The following PTPRN2 variants were observed in gnomAD, a reference collection of about 807,000 sequenced individuals.
The protein encoded by PTPRN2 is protein tyrosine phosphatase receptor type N2.
Under a neutral mutation model 118.8 loss-of-function variants are expected in PTPRN2, and 74 were observed. That is an observed-to-expected ratio of 0.62 (90% CI 0.52 to 0.76). PTPRN2 has a LOEUF of 0.76. Among genes scored for constraint, PTPRN2 ranks in the 30% least tolerant of loss-of-function variants. PTPRN2 has a pLI of 0.00. For synonymous variants in PTPRN2, 641 were observed against 608.0 expected (o/e 1.05, Z -0.80); for missense variants, 1,481 against 1,394.4 (o/e 1.06, Z -0.99).
intron 9 of PTPRN2, among the ~76,000 whole-genome samples, chr7:158,131,036 A>G (rs1284466129): frequency 8.6e-6 from 1 of 116,334 alleles, no homozygotes; most frequent in African/African-American, 3.8e-5. Flanking sequence ...ACACACTTAT[A>G]CACACACGTA....
At chr7:157,846,266 T>C (rs979273418) in intron 12 of PTPRN2, among the ~76,000 whole-genome samples, 1 of 151,920 alleles carries the variant, frequency 6.6e-6, no homozygotes, top group Non-Finnish European at 1.5e-5. Context: ...GTTTGCATCC[T>C]AGGAAATTAA....
chr7:158,275,223 G>A (rs1342193026), intron 3 of PTPRN2, among the ~76,000 whole-genome samples: 1 of 152,124 alleles, frequency 6.6e-6, no homozygotes, highest in Non-Finnish European at 1.5e-5. Flanking sequence ...GCGCCTCGGG[G>A]CCACAGAGAC....
At chr7:158,206,638 TC>T (rs1827176798) in intron 3 of PTPRN2, among the ~76,000 whole-genome samples, 1 of 151,974 alleles carries the variant, frequency 6.6e-6, no homozygotes, top group East Asian at 1.9e-4. Flanking sequence ...TGCCTGGTAA[TC>T]CACAAAATTC....
At chr7:158,452,023 A>C (rs1199493975) in intron 2 of PTPRN2, among the ~76,000 whole-genome samples, 1 of 152,190 alleles carries the variant, frequency 6.6e-6, no homozygotes, top group East Asian at 1.9e-4. Flanking sequence ...TGAATAATAC[A>C]TCTTTTCCCC....
rs974942688 is a variant in PTPRN2 at position 158,525,121 on chromosome 7, T to C, written c.113-35336A>G. Among the ~76,000 whole-genome samples the C allele has an allele frequency of 4.6e-5, 7 of 152,172 alleles. No homozygotes were observed. Among genetic ancestry groups the C allele is most frequent in the Non-Finnish European group, 1.0e-4 (7 of 68,030 alleles). Reference sequence around the variant, plus strand: ...GCTGGCCCTCCATGCGAAGAAATGCTGCGTCCCAGGCCCTGCACAGTGCTG... The same window carrying C: ...GCTGGCCCTCCATGCGAAGAAATGCCGCGTCCCAGGCCCTGCACAGTGCTG... On this transcript the variant is annotated intron_variant, in intron 1 of 22. Transcript: ENST00000389418. This position sits in a 1 kb window ranked among gnomAD's most constrained non-coding sequence, Gnocchi z 4.1.
At chr7:158,164,272 A>C (rs1822680663) in intron 6 of PTPRN2, among the ~76,000 whole-genome samples, 1 of 151,096 alleles carries the variant, frequency 6.6e-6, no homozygotes, top group African/African-American at 2.4e-5. Flanking sequence ...GAGCACGCAG[A>C]GCAAGAGCGC....
At position 157,690,428 on chromosome 7, in the gene PTPRN2, G is replaced by T. The variant is rs924487455; in HGVS notation, c.1789-7491C>A. 6.6e-6 allele frequency among the ~76,000 whole-genome samples: 1 copy of T among 152,070 alleles called. No individual in the cohort carries two copies. The highest frequency in any genetic ancestry group is 1.5e-5 in the Non-Finnish European group (1 of 67,992). On this transcript the variant is annotated intron_variant, in intron 12 of 22. Coordinates refer to ENST00000389418, the MANE Select transcript of PTPRN2 (RefSeq NM_002847.5). This position sits in a 1 kb window ranked among gnomAD's most constrained non-coding sequence, Gnocchi z 7.1. ...CTCTTCCTCGCCCCACCACCTACGCGCCTGGTGATGCTCTCGTGGGCCCTT... is the reference window on the plus strand; with the variant it reads ...CTCTTCCTCGCCCCACCACCTACGCTCCTGGTGATGCTCTCGTGGGCCCTT...
chr7:158,191,068 T>C (rs1461671016), intron 5 of PTPRN2, among the ~76,000 whole-genome samples: 2 of 152,262 alleles, frequency 1.3e-5, no homozygotes, highest in East Asian at 3.9e-4. Context: ...CCACGCTTGG[T>C]GCAAGGTTCC....
In PTPRN2 at chr7:157,610,148, A is replaced by G. The variant is rs1269970556; in HGVS notation, c.2345-6073T>C. ...CCAAGAATCTGCCTCCCACCAGCAC[A>G]TGGGCTCCACGGTGCTGCTGTTTGG... On this transcript the variant is annotated intron_variant, in intron 15 of 22. Coordinates refer to ENST00000389418, the MANE Select transcript of PTPRN2 (RefSeq NM_002847.5). This position sits in a 1 kb window ranked among gnomAD's most constrained non-coding sequence, Gnocchi z 5.1. Among the ~76,000 whole-genome samples the G allele has an allele frequency of 6.6e-6, 1 of 152,120 alleles. No individual in the cohort carries two copies. Among genetic ancestry groups the G allele is most frequent in the Non-Finnish European group, 1.5e-5 (1 of 68,020 alleles).
intron 2 of PTPRN2, among the ~76,000 whole-genome samples, chr7:158,412,152 G>A (rs1320184697): frequency 8.8e-5 from 12 of 136,364 alleles, no homozygotes; most frequent in Non-Finnish European, 1.6e-4. Flanking sequence ...TCAGCACCAG[G>A]GCCCATCCAG....
chr7:158,533,901 C>A (rs1825438602), intron 1 of PTPRN2, among the ~76,000 whole-genome samples: 2 of 152,254 alleles, frequency 1.3e-5, no homozygotes, highest in South Asian at 4.1e-4. Context: ...GCCGCCGTCA[C>A]AGCTGCTCTC....
intron 2 of PTPRN2, among the ~76,000 whole-genome samples, chr7:158,461,548 GA>G (rs549169290): frequency 3.3e-5 from 5 of 151,840 alleles, no homozygotes; most frequent in South Asian, 4.2e-4. Context: ...AGAAAATGGT[GA>G]AAAAAAATAT....
rs578246413 is a variant in PTPRN2, at chr7:157,998,104, G to A, written c.1723+83194C>T. On this transcript the variant is annotated intron_variant, in intron 11 of 22. Coordinates refer to ENST00000389418, the MANE Select transcript of PTPRN2 (RefSeq NM_002847.5). ...AGTGCAGGGGAGAGGAGTACAGGGC[G>A]AGGGGGAGAGGAGTGTGGGGCTGGG... Among the ~76,000 whole-genome samples the A allele has an allele frequency of 4.2e-5, 4 of 94,846 alleles. No homozygotes were observed. The East Asian group carries it at 1.1e-3, about 27-fold the overall frequency. 62.2% of individuals were successfully genotyped at this position (94,846 alleles called of 152,430 possible). A position where few individuals can be genotyped will look rare whatever the true frequency, so the allele number is the denominator to read the frequency against.
chr7:158,060,351 T>A (rs980963601), intron 11 of PTPRN2, among the ~76,000 whole-genome samples: 1 of 152,160 alleles, frequency 6.6e-6, no homozygotes, highest in African/African-American at 2.4e-5. Context: ...AACTCCCCCA[T>A]CTCCCATGCA....
intron 1 of PTPRN2, among the ~76,000 whole-genome samples, chr7:158,586,396 C>G (rs114347062): frequency 6.6e-6 from 1 of 152,196 alleles, no homozygotes; most frequent in Non-Finnish European, 1.5e-5. Context: ...AGGAAGGTGC[C>G]GGAGCCCAGC....
At chr7:157,821,017 T>A (rs1806804645) in intron 12 of PTPRN2, among the ~76,000 whole-genome samples, 1 of 151,734 alleles carries the variant, frequency 6.6e-6, no homozygotes, top group Admixed American at 6.6e-5. Flanking sequence ...CCTGGTGGAG[T>A]CTCCCATGCT....
At chr7:158,399,967 G>A (rs1452563931) in intron 2 of PTPRN2, among the ~76,000 whole-genome samples, 1 of 152,192 alleles carries the variant, frequency 6.6e-6, no homozygotes, top group East Asian at 1.9e-4. Flanking sequence ...CGAGTCTGCA[G>A]ACCAGCACCA....
At chr7:157,913,749 A>C (rs747602906) in intron 11 of PTPRN2, among the ~76,000 whole-genome samples, 1 of 152,138 alleles carries the variant, frequency 6.6e-6, no homozygotes, top group Non-Finnish European at 1.5e-5. Flanking sequence ...ATTTGCTATT[A>C]TTTGGCTTTT....
In PTPRN2 at chr7:157,898,685, G is replaced by A. The variant is rs768288918; in HGVS notation, c.1776C>T (p.Thr592=). 40 of 1,602,232 alleles carry A rather than the reference G, an allele frequency of 2.5e-5. No homozygotes were observed. The East Asian group carries it at 3.8e-4, about 15-fold the overall frequency. The change falls in exon 12 of 23, where the codon ACC becomes ACT. Residue 592 remains threonine (T), a synonymous_variant. Coordinates refer to ENST00000389418, the MANE Select transcript of PTPRN2 (RefSeq NM_002847.5). The stretch of plus-strand genomic sequence containing the variant: ...TTCTGTTACTCACCGACCCGACTCC[G>A]GTTTGAAGAATTTTCAGTCCAGAGG... ...EETSGLKILQ[T]GVGSKSKLKF... is the part of the protein sequence containing the mutation.
Sources: allele counts gnomAD v4.1 joint callset (sites outside exome capture counted in the v4.1 genomes callset), GRCh38; gene constraint gnomAD v4.1.1; non-coding constraint Gnocchi (gnomAD v3.1); transcripts MANE v1.5; gene names NCBI Gene and HGNC (gene_info 2026-07-23, HGNC 2026-07-21).